The following TMC5 variants were observed in gnomAD, a reference collection of about 807,000 sequenced individuals.
TMC5 encodes the protein transmembrane channel-like protein 5.
A neutral mutation model predicts 110.5 loss-of-function variants in TMC5; 86 were observed. That is an observed-to-expected ratio of 0.78 (90% CI 0.65 to 0.93). The LOEUF (loss-of-function observed/expected upper bound fraction) is 0.93. TMC5 is among the 40% of genes least tolerant of loss of function. The pLI is 0.00. For synonymous variants in TMC5, 455 were observed against 439.5 expected (o/e 1.04, Z -0.44); for missense variants, 1,144 against 1,222.8 (o/e 0.94, Z 0.96).
chr16:19,486,537 T>C (rs981565357), intron 15 of TMC5, among the ~76,000 whole-genome samples: 1 of 152,120 alleles, frequency 6.6e-6, no homozygotes. Context: ...CCATCATGCC[T>C]GGCTAATTTT....
At chr16:19,417,094 C>CAAAAAAAA (rs60613963), upstream of TMC5, among the ~76,000 whole-genome samples, 3 of 69,128 alleles carry the variant, frequency 4.3e-5, no homozygotes, top group African/African-American at 6.8e-5. Context: ...ACTCAGTCTT[C>CAAAAAAAA]AAAAAAAAAA....
intron 14 of TMC5, among the ~76,000 whole-genome samples, chr16:19,479,943 A>G (rs1335212836): frequency 6.6e-6 from 1 of 151,958 alleles, no homozygotes; most frequent in Admixed American, 6.6e-5. Flanking sequence ...AAAAAAAAAA[A>G]AAAAGAAGAA....
intron 1 of TMC5, chr16:19,411,520 C>T (rs1453819575): frequency 6.6e-6 from 1 of 152,170 alleles, no homozygotes; most frequent in East Asian, 1.9e-4. Context: ...GATTTGAACT[C>T]AGGAAGTCAA....
intron 10 of TMC5, among the ~76,000 whole-genome samples, chr16:19,470,208 T>TTA (rs1968301496): frequency 8.0e-6 from 1 of 125,062 alleles, no homozygotes; most frequent in South Asian, 2.6e-4. Flanking sequence ...TTTTTTTTTT[T>TTA]AACGGAATCT....
chr16:19,469,596 T>C, intron 9 of TMC5, 85 bp from the exon 10 acceptor site: 5 of 1,549,036 alleles, frequency 3.2e-6, no homozygotes, highest in Non-Finnish European at 4.4e-6. Flanking sequence ...TCACCATTAA[T>C]AATAGGGCTG....
intron 12 of TMC5, chr16:19,477,204 C>T (rs566691526): frequency 1.8e-4 from 65 of 358,048 alleles, no homozygotes; most frequent in South Asian, 9.0e-4. Context: ...GCTGAGATCG[C>T]GCCACTGCAC....
At chr16:19,464,101 C>G in intron 8 of TMC5, 77 bp downstream of exon 8, 1 of 1,495,838 alleles carries the variant, frequency 6.7e-7, no homozygotes. Context: ...CGGTCACCCA[C>G]TCACACCTCT....
At position 19,472,004 on chromosome 16, in the gene TMC5, A is replaced by C. The variant is rs373033067; in HGVS notation, c.1783-84A>C. On this transcript the variant is annotated intron_variant, in intron 10 of 21. Coordinates refer to ENST00000542583, the MANE Select transcript of TMC5 (RefSeq NM_001261841.2). ...TCAAACTCCTGACCTCAAGTGATCC[A>C]CCCGCCTTGGCCTCCCAAAGTGCTG... The C allele has an allele frequency of 8.3e-4, 1,172 of 1,409,990 alleles. 6 individuals are homozygous for C. In the African/African-American group the frequency reaches 0.015, roughly 18 times the overall value. The allele number at this position is 1,409,990 out of a possible 1,614,324, so 87.3% of individuals were successfully genotyped here.
intron 11 of TMC5, among the ~76,000 whole-genome samples, chr16:19,473,108 G>T (rs1280976498): frequency 6.6e-6 from 1 of 152,052 alleles, no homozygotes; most frequent in African/African-American, 2.4e-5. Context: ...CACTTTGGGA[G>T]GCCGAGGCAG....
chr16:19,484,929 G>A (rs982018871), intron 15 of TMC5, among the ~76,000 whole-genome samples: 1 of 150,298 alleles, frequency 6.7e-6, no homozygotes, highest in African/African-American at 2.5e-5. Context: ...TATTGCCTTT[G>A]ATGATGAGTT....
At chr16:19,497,264 T>C in intron 21 of TMC5, 101 bp downstream of exon 21, 1 of 1,238,632 alleles carries the variant, frequency 8.1e-7, no homozygotes, top group Admixed American at 1.9e-5. Context: ...ACTTTTTCAG[T>C]TGCAAATTGG....
intron 15 of TMC5, among the ~76,000 whole-genome samples, chr16:19,483,262 A>G (rs918663338): frequency 1.3e-5 from 2 of 152,140 alleles, no homozygotes; most frequent in Non-Finnish European, 2.9e-5. Context: ...AGCTCAGGCA[A>G]TCTTCCTGCC....
chr16:19,477,409 G>A (rs774205681), intron 12 of TMC5, 31 bp from the exon 13 acceptor site: 2 of 1,493,348 alleles, frequency 1.3e-6, no homozygotes, highest in East Asian at 2.3e-5. Context: ...TGCCATTGAA[G>A]GTAATCATAA....
Position 19,476,394 on chromosome 16 carries a change from C to T in TMC5, c.2091-1046C>T, listed in dbSNP as rs73542110. On this transcript the variant is annotated intron_variant, in intron 12 of 21. Coordinates refer to ENST00000542583, the MANE Select transcript of TMC5 (RefSeq NM_001261841.2). ...GAGAGAGAAAGAAAGAAAGAAAACT[C>T]TGACTATATTCCTATGCCCTCATTA... Among the ~76,000 whole-genome samples, 1,418 of 152,172 alleles carry T rather than the reference C, an allele frequency of 9.3e-3. 21 individuals are homozygous for T. Among genetic ancestry groups the T allele is most frequent in the African/African-American group, 0.032 (1,348 of 41,534 alleles).
At chr16:19,413,623 T>G (rs1459846169), upstream of TMC5, among the ~76,000 whole-genome samples, 2 of 150,730 alleles carry the variant, frequency 1.3e-5, no homozygotes, top group Admixed American at 1.3e-4. Flanking sequence ...TGCTTTCCTC[T>G]TAGTGGGAGG....
chr16:19,418,604 TAAAA>T (rs754665459), intron 1 of TMC5, among the ~76,000 whole-genome samples: 1 of 151,604 alleles, frequency 6.6e-6, no homozygotes, highest in African/African-American at 2.4e-5. Flanking sequence ...TTCTGAGATT[TAAAA>T]AAAAATCTAT....
intron 2 of TMC5, 109 bp from the exon 3 acceptor site, chr16:19,439,851 T>A: frequency 1.7e-6 from 1 of 588,384 alleles, no homozygotes; most frequent in Non-Finnish European, 3.0e-6. Context: ...TAGGCAGTTG[T>A]GTACCTGACT....
chr16:19,472,977 C>T (rs547493699), intron 11 of TMC5, among the ~76,000 whole-genome samples: 1 of 152,100 alleles, frequency 6.6e-6, no homozygotes, highest in Non-Finnish European at 1.5e-5. Flanking sequence ...AGTGCAGTCC[C>T]GGCTCCACTC....
chr16:19,465,449 T>C (rs1186399124), intron 8 of TMC5, among the ~76,000 whole-genome samples: 1 of 152,050 alleles, frequency 6.6e-6, no homozygotes, highest in East Asian at 1.9e-4. Context: ...CAGGGAGAAT[T>C]GCTTGAACCC....
Sources: gnomAD v4.1 joint callset for allele counts (sites outside exome capture counted in the v4.1 genomes callset) on GRCh38, gnomAD v4.1.1 for gene constraint, MANE v1.5 for transcripts, NCBI Gene and HGNC (gene_info 2026-07-23, HGNC 2026-07-21) for gene names.